Variants in R3HDM1 observed in about 807,000 individuals in gnomAD.
R3HDM1 encodes the protein R3H domain containing 1.
In R3HDM1, 46 loss-of-function variants were observed where a neutral mutation model predicts 141.1. That is an observed-to-expected ratio of 0.33 (90% CI 0.26 to 0.42). The LOEUF (loss-of-function observed/expected upper bound fraction) is 0.42, where lower values mean the gene tolerates loss of function less well. R3HDM1 is among the 10% of genes least tolerant of loss of function. The probability of loss-of-function intolerance (pLI) is 1.00; values close to 1 mark genes in which losing one functional copy is unlikely to be tolerated. For synonymous variants in R3HDM1, 435 were observed against 472.9 expected (o/e 0.92, Z 1.04); for missense variants, 1,184 against 1,368.3 (o/e 0.87, Z 2.12).
At chr2:135,581,496 C>A (rs1706791743) in intron 1 of R3HDM1, 3 of 716,430 alleles carry the variant, frequency 4.2e-6, no homozygotes, top group Admixed American at 6.3e-5. Context: ...ACTAATACCA[C>A]AATCTTTCCT....
At chr2:135,699,102 G>GATAGATA (rs373609544) in intron 21 of R3HDM1, among the ~76,000 whole-genome samples, 1 of 149,212 alleles carries the variant, frequency 6.7e-6, no homozygotes, top group South Asian at 2.1e-4. Context: ...TAGATAGATA[G>GATAGATA]ATTAGATATT....
intron 21 of R3HDM1, among the ~76,000 whole-genome samples, chr2:135,703,981 C>CATTT (rs757523725): frequency 6.6e-6 from 1 of 152,052 alleles, no homozygotes; most frequent in African/African-American, 2.4e-5. Flanking sequence ...GTTATTTATT[C>CATTT]ATTTATTTAT....
chr2:135,615,850 AGAAG>A (rs1489977255), intron 3 of R3HDM1, among the ~76,000 whole-genome samples: 1 of 152,240 alleles, frequency 6.6e-6, no homozygotes, highest in Admixed American at 6.5e-5. Context: ...TTCACTACCA[AGAAG>A]TCACCATATA....
At chr2:135,604,384 G>A (rs189299041) in intron 2 of R3HDM1, among the ~76,000 whole-genome samples, 36 of 152,002 alleles carry the variant, frequency 2.4e-4, no homozygotes, top group South Asian at 1.7e-3. Context: ...GATCTGGCTC[G>A]GTCCTTAATG....
In R3HDM1 at chr2:135,680,273, G is replaced by A; in HGVS notation, c.2408G>A (p.Gly803Glu). The A allele has an allele frequency of 6.2e-7, 1 of 1,614,000 alleles. No individual in the cohort carries two copies. Among genetic ancestry groups the A allele is most frequent in the East Asian group, 2.2e-5 (1 of 44,872 alleles). ...QSNQGSMPTT[G>E]MPVYYSVIPP... ...AATCAAGGATCTATGCCCACAACAG[G>A]AATGCCTGTTTACTATAGTGTCATT... Residue 803 changes from glycine (G) to glutamate (E), a missense_variant, in exon 21 of 27, where the codon GGA becomes GAA. Transcript: ENST00000683871.
intron 7 of R3HDM1, among the ~76,000 whole-genome samples, chr2:135,630,568 C>G (rs910925193): frequency 6.6e-6 from 1 of 152,000 alleles, no homozygotes; most frequent in African/African-American, 2.4e-5. Context: ...AATGTTATTA[C>G]TTAGTTTTAT....
At position 135,725,067 on chromosome 2, in the gene R3HDM1, A is replaced by G. The variant is rs2077028083; in HGVS notation, c.*775A>G. 6.6e-6 allele frequency: 1 copy of G among 152,508 alleles called. No individual in the cohort carries two copies. Among genetic ancestry groups the G allele is most frequent in the African/African-American group, 2.4e-5 (1 of 41,378 alleles). The allele number at this position is 152,508 out of a possible 1,614,324, so 9.4% of individuals were successfully genotyped here. A position where few individuals can be genotyped will look rare whatever the true frequency, so the allele number is the denominator to read the frequency against. On this transcript the variant is annotated 3_prime_UTR_variant, in exon 27 of 27. Coordinates refer to ENST00000683871, the MANE Select transcript of R3HDM1 (RefSeq NM_001378107.1). ...CTTGTGGATTTTTTGTCACCTAAGGAAATGCATTTGATGAGTGCTGGAAAC... is the reference window on the plus strand; with the variant it reads ...CTTGTGGATTTTTTGTCACCTAAGGGAATGCATTTGATGAGTGCTGGAAAC...
chr2:135,722,514 A>G lies in R3HDM1; in HGVS notation c.3010A>G (p.Lys1004Glu), dbSNP rs2076790752. The change falls in exon 26 of 27, where the codon AAA (lysine) becomes GAA (glutamate). Residue 1004 changes from lysine (K) to glutamate (E), a missense_variant. Lys to Glu is a moderately conservative substitution (Grantham distance 56). Transcript: ENST00000683871. The stretch of plus-strand genomic sequence containing the variant: ...TGGAAACCGAGGAAGGAGACAAGCT[A>G]AAAAAGCTGCATCCACAGACCTTGG... ...RHGNRGRRQA[K>E]KAASTDLGAG... 6.2e-7 allele frequency: 1 copy of G among 1,613,700 alleles called. No homozygotes were observed. Among genetic ancestry groups the G allele is most frequent in the South Asian group, 1.1e-5 (1 of 90,962 alleles).
intron 1 of R3HDM1, among the ~76,000 whole-genome samples, chr2:135,566,268 A>AGG (rs1702771071): frequency 6.6e-6 from 1 of 152,066 alleles, no homozygotes; most frequent in African/African-American, 2.4e-5. Flanking sequence ...AGGGGTTTTG[A>AGG]GGGGGGAAGC....
chr2:135,600,103 A>AT (rs1047714227), intron 1 of R3HDM1, among the ~76,000 whole-genome samples: 3,066 of 93,548 alleles, frequency 0.033, 206 homozygotes, highest in African/African-American at 0.049. Flanking sequence ...AGTTCGTATG[A>AT]TTTTTTTTTT....
At chr2:135,693,642 G>A (rs763393907) in intron 21 of R3HDM1, among the ~76,000 whole-genome samples, 3 of 152,174 alleles carry the variant, frequency 2.0e-5, no homozygotes, top group Non-Finnish European at 2.9e-5. Flanking sequence ...TGGACAAAAG[G>A]TCATAGTATT....
chr2:135,621,037 G>A (rs2061469278), intron 5 of R3HDM1, among the ~76,000 whole-genome samples: 1 of 152,032 alleles, frequency 6.6e-6, no homozygotes, highest in Admixed American at 6.5e-5. Flanking sequence ...GTAGGAGAAT[G>A]AAGGAATGTG....
At position 135,602,581 on chromosome 2, in the gene R3HDM1, T is replaced by C. The variant is rs1460048577; in HGVS notation, c.-168T>C. 2.0e-6 allele frequency: 3 copies of C among 1,535,270 alleles called. No homozygotes were observed. Among genetic ancestry groups the C allele is most frequent in the Non-Finnish European group, 2.6e-6 (3 of 1,141,780 alleles). On this transcript the variant is annotated 5_prime_UTR_variant, in exon 2 of 27. Transcript: ENST00000683871. ...TACAGTGGTGACAAGGACATGGGAC[T>C]CCTCCTGCCAGATTACAGATGGTTC... is the stretch of plus-strand genomic sequence containing the variant.
intron 15 of R3HDM1, among the ~76,000 whole-genome samples, chr2:135,644,111 A>T (rs985992069): frequency 6.6e-6 from 1 of 152,216 alleles, no homozygotes; most frequent in Non-Finnish European, 1.5e-5. Flanking sequence ...TCACACACAC[A>T]CAGAGATTAT....
intron 1 of R3HDM1, among the ~76,000 whole-genome samples, chr2:135,554,706 T>C (rs1000613665): frequency 1.3e-5 from 2 of 152,158 alleles, no homozygotes; most frequent in African/African-American, 4.8e-5. Context: ...GAGACCGTTA[T>C]TCATACAGGA....
chr2:135,667,842 TTTTGTCTGAATAA>T, intron 19 of R3HDM1: 1 of 850,216 alleles, frequency 1.2e-6, no homozygotes, highest in Non-Finnish European at 1.4e-6. Context: ...CCACTCTTGC[TTTTGTCTGAATAA>T]TTAGACAAGG....
At chr2:135,595,433 T>C (rs1710425247) in intron 1 of R3HDM1, among the ~76,000 whole-genome samples, 1 of 152,200 alleles carries the variant, frequency 6.6e-6, no homozygotes, top group African/African-American at 2.4e-5. Context: ...GAGCCAACAC[T>C]ACCTGAGTTC....
At chr2:135,556,069 C>T (rs76472225) in intron 1 of R3HDM1, among the ~76,000 whole-genome samples, 26,844 of 151,976 alleles carry the variant, frequency 0.18, 3,126 homozygotes, top group East Asian at 0.46. Flanking sequence ...ACACATGTTC[C>T]AATGTGAATG....
At chr2:135,631,393 TTG>T (rs956445437) in intron 7 of R3HDM1, among the ~76,000 whole-genome samples, 10 of 152,108 alleles carry the variant, frequency 6.6e-5, no homozygotes, top group African/African-American at 2.4e-4. Flanking sequence ...AGTTCCTTCG[TTG>T]TGTGTAAGCA....
Sources: gnomAD v4.1 joint callset for allele counts (sites outside exome capture counted in the v4.1 genomes callset) on GRCh38, gnomAD v4.1.1 for gene constraint, MANE v1.5 for transcripts, NCBI Gene and HGNC (gene_info 2026-07-23, HGNC 2026-07-21) for gene names.